The following UNC13B variants were observed in gnomAD, a reference collection of about 807,000 sequenced individuals.
UNC13B encodes unc-13 homolog B, also known as protein unc-13 homolog B.
UNC13B carries 144 observed loss-of-function variants against 211.0 expected under a neutral mutation model. The observed-to-expected ratio is 0.68, with a 90% CI of 0.60 to 0.78. The LOEUF (loss-of-function observed/expected upper bound fraction) is 0.78, where lower values mean the gene tolerates loss of function less well. Among genes scored for constraint, UNC13B ranks in the 30% least tolerant of loss-of-function variants. The probability of loss-of-function intolerance (pLI) is 0.00; values close to 1 mark genes in which losing one functional copy is unlikely to be tolerated. For synonymous variants in UNC13B, 709 were observed against 725.8 expected (o/e 0.98, Z 0.37); for missense variants, 1,777 against 2,002.0 (o/e 0.89, Z 2.14).
At chr9:35,195,720 T>C (rs1822898210) in intron 1 of UNC13B, among the ~76,000 whole-genome samples, 1 of 152,258 alleles carries the variant, frequency 6.6e-6, no homozygotes, top group Non-Finnish European at 1.5e-5. Flanking sequence ...AAAAATACTT[T>C]TTAAAGTTAG....
chr9:35,381,614 C>T lies in UNC13B; in HGVS notation c.10550C>T (p.Ala3517Val). Residue 3517 changes from alanine (A) to valine (V), a missense_variant, in exon 20 of 40, where the codon GCT (alanine) becomes GTT (valine). Transcript: ENST00000635942. ...QGSGGVRIPE[A>V]RGDDAWKVYF... ...AGTGGAGGAGTCCGCATCCCTGAAG[C>T]TCGAGGAGACGATGCCTGGAAGGTG... 6.2e-7 allele frequency: 1 copy of T among 1,614,226 alleles called. No individual in the cohort carries two copies. Among genetic ancestry groups the T allele is most frequent in the Non-Finnish European group, 8.5e-7 (1 of 1,180,032 alleles).
At chr9:35,162,427 A>C in intron 1 of UNC13B, 122 bp downstream of exon 1, 13 of 1,288,252 alleles carry the variant, frequency 1.0e-5, no homozygotes, top group Non-Finnish European at 1.1e-5. Context: ...TTGGGGGTCT[A>C]TTATTTTGGC....
At chr9:35,383,709 TA>T (rs59331759) in intron 21 of UNC13B, among the ~76,000 whole-genome samples, 24,446 of 152,070 alleles carry the variant, frequency 0.16, 2,700 homozygotes, top group Non-Finnish European at 0.24. Context: ...AAGTATACAC[TA>T]TGGGAAATGT....
chr9:35,279,836 CA>C (rs886468783), intron 7 of UNC13B, among the ~76,000 whole-genome samples: 1 of 152,146 alleles, frequency 6.6e-6, no homozygotes, highest in African/African-American at 2.4e-5. Flanking sequence ...TAGGAATAGT[CA>C]CCCTTCCTAC....
At chr9:35,189,231 C>T (rs180679141) in intron 1 of UNC13B, among the ~76,000 whole-genome samples, 15 of 152,266 alleles carry the variant, frequency 9.9e-5, no homozygotes, top group Admixed American at 4.6e-4. Context: ...ACCTCAAATA[C>T]ATGTGGCACT....
chr9:35,349,727 T>C (rs938280706), intron 11 of UNC13B, among the ~76,000 whole-genome samples: 2 of 152,230 alleles, frequency 1.3e-5, no homozygotes, highest in African/African-American at 2.4e-5. Context: ...GGCCTAGTTA[T>C]TTCTAGTAAA....
intron 22 of UNC13B, chr9:35,385,414 A>C: frequency 1.0e-6 from 1 of 985,406 alleles, no homozygotes; most frequent in Non-Finnish European, 1.2e-6. Context: ...AGAAAAAAGC[A>C]TGTGTGTAAG....
intron 7 of UNC13B, among the ~76,000 whole-genome samples, chr9:35,272,956 A>G (rs1827976595): frequency 6.6e-6 from 1 of 152,232 alleles, no homozygotes; most frequent in Non-Finnish European, 1.5e-5. Flanking sequence ...TGCTTGAGAT[A>G]TAGCCCACCT....
chr9:35,326,256 T>C (rs927952839), intron 11 of UNC13B, among the ~76,000 whole-genome samples: 6 of 152,216 alleles, frequency 3.9e-5, no homozygotes, highest in African/African-American at 1.4e-4. Context: ...TTATTGGCCA[T>C]TTTTATATCT....
chr9:35,264,996 C>T (rs1827486953), intron 7 of UNC13B, among the ~76,000 whole-genome samples: 1 of 152,188 alleles, frequency 6.6e-6, no homozygotes, highest in African/African-American at 2.4e-5. Flanking sequence ...TGACTCTTTA[C>T]TCAAGATCAC....
intron 7 of UNC13B, among the ~76,000 whole-genome samples, chr9:35,282,665 C>A (rs1828568662): frequency 1.3e-5 from 2 of 152,142 alleles, no homozygotes; most frequent in Admixed American, 6.5e-5. Flanking sequence ...GAACTCCTGA[C>A]CTCAGGTGAT....
chr9:35,341,750 G>A (rs959869341), intron 11 of UNC13B: 103 of 166,012 alleles, frequency 6.2e-4, no homozygotes, highest in Admixed American at 7.2e-4. Context: ...GGCAAGGGTT[G>A]TGTGTGCGTG....
At chr9:35,351,040 C>G (rs1010413135) in intron 11 of UNC13B, among the ~76,000 whole-genome samples, 58 of 152,208 alleles carry the variant, frequency 3.8e-4, no homozygotes, top group Non-Finnish European at 5.3e-4. Flanking sequence ...AGCAGCTTGT[C>G]TCAATATCGT....
chr9:35,398,772 CTGCTGGAAA>C, intron 32 of UNC13B, 101 bp from the exon 33 acceptor site: 1 of 1,564,970 alleles, frequency 6.4e-7, no homozygotes, highest in Non-Finnish European at 8.7e-7. Flanking sequence ...CTGACTGTCC[CTGCTGGAAA>C]TGCACCATGA....
intron 7 of UNC13B, among the ~76,000 whole-genome samples, chr9:35,266,382 T>C (rs1335092604): frequency 6.6e-6 from 1 of 152,136 alleles, no homozygotes; most frequent in Non-Finnish European, 1.5e-5. Flanking sequence ...GGGCTACTGC[T>C]CTAAAGAAAC....
intron 11 of UNC13B, among the ~76,000 whole-genome samples, chr9:35,336,253 C>A (rs762568005): frequency 6.6e-6 from 1 of 152,094 alleles, no homozygotes. Context: ...GTGTTCAAAC[C>A]GTACTTACCA....
At position 35,396,845 on chromosome 9, in the gene UNC13B, T is replaced by C; in HGVS notation, c.11440T>C (p.Phe3814Leu). The C allele has an allele frequency of 6.2e-7, 1 of 1,614,134 alleles. No individual in the cohort carries two copies. Among genetic ancestry groups the C allele is most frequent in the Non-Finnish European group, 8.5e-7 (1 of 1,180,008 alleles). The change falls in exon 28 of 40, where the codon TTT becomes CTT. Residue 3814 changes from phenylalanine (F) to leucine (L), a missense_variant. By Grantham distance (22) the Phe-to-Leu change is conservative (BLOSUM62 0). Coordinates refer to ENST00000635942, the MANE Select transcript of UNC13B (RefSeq NM_001371189.2). ...GTTCTCCTGCTGTGGCTGCAGGTGG[T>C]TTGAGCAGTTCGTGCTACAATGGCT... ...QGQVPEYPAWFEQFVLQWLDE... is the reference protein window; with the variant it reads ...QGQVPEYPAWLEQFVLQWLDE...
intron 21 of UNC13B, 125 bp downstream of exon 21, chr9:35,382,632 G>A (rs1426314369): frequency 1.1e-5 from 13 of 1,141,416 alleles, no homozygotes; most frequent in Admixed American, 7.9e-5. Context: ...GCGTGGTCTC[G>A]GCTCACTGCA....
Position 35,397,293 on chromosome 9 carries a change from A to C in UNC13B, c.11659A>C (p.Met3887Leu). Reference protein sequence around the residue: ...CPDPSILAHYMRRFAKTIGKV... With the variant: ...CPDPSILAHYLRRFAKTIGKV... ...AGACCCCAGCATCCTTGCCCACTAC[A>C]TGAGGAGGTTTGCTAAGGTGACCAT... The change falls in exon 29 of 40, where the codon ATG becomes CTG. Residue 3887 changes from methionine (M) to leucine (L), a missense_variant. Transcript: ENST00000635942. The C allele has an allele frequency of 1.2e-6, 2 of 1,614,046 alleles. No homozygotes were observed. Among genetic ancestry groups the C allele is most frequent in the South Asian group, 1.1e-5 (1 of 91,080 alleles).
Sources: gnomAD v4.1 joint callset for allele counts (sites outside exome capture counted in the v4.1 genomes callset) on GRCh38, gnomAD v4.1.1 for gene constraint, MANE v1.5 for transcripts, NCBI Gene and HGNC (gene_info 2026-07-23, HGNC 2026-07-21) for gene names.